The following CHD4 variants were observed in gnomAD, a reference collection of about 807,000 sequenced individuals.
CHD4 encodes chromodomain helicase DNA binding protein 4, also known as ATP-dependent chromatin remodeler CHD4.
In CHD4, 35 loss-of-function variants were observed where a neutral mutation model predicts 235.5. That is an observed-to-expected ratio of 0.15 (90% CI 0.11 to 0.20). The LOEUF (loss-of-function observed/expected upper bound fraction) is 0.20. Ranked by LOEUF, CHD4 falls within the 10% of genes least tolerant of loss-of-function variation. The pLI, the probability that CHD4 is intolerant of heterozygous loss-of-function variation, is 1.00. For synonymous variants in CHD4, 900 were observed against 850.2 expected, an observed-to-expected ratio of 1.06 and a Z score of -1.02; for missense variants, 1,329 against 2,432.3, an observed-to-expected ratio of 0.55 and a Z score of 9.54.
At position 6,602,040 on chromosome 12, in the gene CHD4, G is replaced by GCTTCTT; in HGVS notation, c.352_357dup (p.Lys118_Lys119dup). 1 of 1,611,684 alleles carries GCTTCTT rather than the reference G, an allele frequency of 6.2e-7. No individual in the cohort carries two copies. Among genetic ancestry groups the GCTTCTT allele is most frequent in the South Asian group, 1.1e-5 (1 of 91,010 alleles). The stretch of plus-strand genomic sequence containing the variant: ...CTCTTCTTCTCTTTCTTAGGTCCAA[G>GCTTCTT]CTTCTTCTTCTTCTTCTTGCCAGGA... On this transcript the variant is annotated inframe_insertion, in exon 4 of 40. Transcript: ENST00000544040.
chr12:6,571,290 T>G, intron 38 of CHD4: 1 of 406,086 alleles, frequency 2.5e-6, no homozygotes, highest in Non-Finnish European at 4.4e-6. Context: ...TTCTTGAGCT[T>G]ATTCGTTTTT....
intron 13 of CHD4, 139 bp from the exon 14 acceptor site, chr12:6,595,569 C>G (rs1387479581): frequency 9.2e-6 from 6 of 650,098 alleles, no homozygotes; most frequent in Non-Finnish European, 1.6e-5. Flanking sequence ...GGGCGGATCA[C>G]CTGAGGTCAG....
intron 37 of CHD4, among the ~76,000 whole-genome samples, chr12:6,574,950 C>T (rs1294123146): frequency 6.6e-6 from 1 of 152,060 alleles, no homozygotes; most frequent in Non-Finnish European, 1.5e-5. Context: ...AAATGGTTGG[C>T]AAAAAGTCAA....
intron 15 of CHD4, 86 bp downstream of exon 15, chr12:6,594,373 A>C (rs1353223862): frequency 3.1e-6 from 4 of 1,299,118 alleles, no homozygotes; most frequent in Non-Finnish European, 4.2e-6. Context: ...CAATTTTTTT[A>C]TTCCCTTATC....
intron 33 of CHD4, chr12:6,579,277 CT>C (rs1565602941): frequency 3.3e-6 from 1 of 306,052 alleles, no homozygotes. Flanking sequence ...TGGTGAAACC[CT>C]GTCTCTACTA....
chr12:6,605,185 G>A lies in CHD4; in HGVS notation c.100+1089C>T, dbSNP rs527975622. Among the ~76,000 whole-genome samples, 5 of 152,274 alleles carry A rather than the reference G, an allele frequency of 3.3e-5. No individual in the cohort carries two copies. The South Asian group carries it at 8.3e-4, about 25-fold the overall frequency. On this transcript the variant is annotated intron_variant, in intron 2 of 39. Coordinates refer to ENST00000544040, the MANE Select transcript of CHD4 (RefSeq NM_001273.5). ...TTCCACTGAAGCTAAGAAGAGAGAA[G>A]GCAGAAGTGAATGATGCTGGATGAG... is the stretch of plus-strand genomic sequence containing the variant.
chr12:6,587,705 A>C lies in CHD4; in HGVS notation c.3703+7T>G. ...CACACCAAAACGTAAGTTCCTGACT[A>C]CCTCACCTCCATCAGTGGCTTCATC... On this transcript the variant is annotated splice_region_variant and intron_variant, in intron 24 of 39. Coordinates refer to ENST00000544040, the MANE Select transcript of CHD4 (RefSeq NM_001273.5). The C allele has an allele frequency of 6.2e-7, 1 of 1,613,436 alleles. No individual in the cohort carries two copies. The highest frequency in any genetic ancestry group is 1.7e-4 in the Middle Eastern group (1 of 6,048).
Position 6,597,879 on chromosome 12 carries a change from G to A in CHD4, c.1892+15C>T. The A allele has an allele frequency of 1.9e-6, 3 of 1,613,118 alleles. No homozygotes were observed. Among genetic ancestry groups the A allele is most frequent in the Non-Finnish European group, 2.5e-6 (3 of 1,179,114 alleles). ...CCCACGGAGACTGCCCGTCTCCCGT[G>A]TGCTCAGCTGGTACCTGTGGTTGAG... On this transcript the variant is annotated intron_variant, in intron 12 of 39. Transcript: ENST00000544040.
In CHD4 at chr12:6,595,226, CTACAAAGTTACTA is replaced by C. The variant is rs1348629529; in HGVS notation, c.2121+95_2121+107del. On this transcript the variant is annotated intron_variant, in intron 14 of 39. Coordinates refer to ENST00000544040, the MANE Select transcript of CHD4 (RefSeq NM_001273.5). ...AGCCGACTTTGTGAAGTAATCTCAG[CTACAAAGTTACTA>C]TCTGCATTTCATTACTTAAGAGTAC... is the stretch of plus-strand genomic sequence containing the variant. 21 of 927,894 alleles carry C rather than the reference CTACAAAGTTACTA, an allele frequency of 2.3e-5. No homozygotes were observed. In the East Asian group the frequency reaches 5.0e-4, roughly 22 times the overall value. The allele number at this position is 927,894 out of a possible 1,614,324, so 57.5% of individuals were successfully genotyped here. A position where few individuals can be genotyped will look rare whatever the true frequency, so the allele number is the denominator to read the frequency against.
At chr12:6,587,157 T>C in intron 25 of CHD4, 4 of 524,882 alleles carry the variant, frequency 7.6e-6, no homozygotes, top group Non-Finnish European at 1.3e-5. Context: ...AGAGCCAAAA[T>C]AACTGTTGTG....
chr12:6,591,418 T>G (rs1245511104), intron 22 of CHD4, 48 bp downstream of exon 22: 1 of 1,439,434 alleles, frequency 6.9e-7, no homozygotes, highest in East Asian at 2.3e-5. Context: ...AGTCCAAAGA[T>G]ATAAGCAAAT....
chr12:6,578,689 C>T (rs1263190089), intron 34 of CHD4, 143 bp from the exon 35 acceptor site: 2 of 1,404,072 alleles, frequency 1.4e-6, no homozygotes, highest in Non-Finnish European at 2.0e-6. Flanking sequence ...AAAATGGTGC[C>T]ATTGGCCCAC....
At chr12:6,579,033 A>C in intron 33 of CHD4, 116 bp from the exon 34 acceptor site, 1 of 963,386 alleles carries the variant, frequency 1.0e-6, no homozygotes, top group Middle Eastern at 3.1e-4. Flanking sequence ...CAGTAATGTC[A>C]GCTGGGCATG....
rs757348405 is a variant in CHD4 at position 6,593,431 on chromosome 12, C to T, written c.2499G>A (p.Lys833=). The change falls in exon 16 of 40, where the codon AAG becomes AAA. Residue 833 remains lysine (K), a synonymous_variant. Transcript: ENST00000544040. The surrounding 1 kb of genome is among the most constrained non-coding windows in gnomAD (Gnocchi z 4.9). The part of the protein sequence containing the change: ...FEDNAIRGGK[K]ASRMKKEASV... ...CCTGAGATACCTTCATGCGGGAGGC[C>T]TTCTTGCCACCACGAATGGCATTGT... 1 of 1,614,142 alleles carries T rather than the reference C, an allele frequency of 6.2e-7. No homozygotes were observed. Among genetic ancestry groups the T allele is most frequent in the Non-Finnish European group, 8.5e-7 (1 of 1,180,008 alleles).
intron 15 of CHD4, 60 bp downstream of exon 15, chr12:6,594,399 A>G (rs1948450389): frequency 3.3e-6 from 5 of 1,493,234 alleles, no homozygotes; most frequent in African/African-American, 2.8e-5. Context: ...ACTCAGTGTA[A>G]GTTAAGGCTT....
chr12:6,601,589 A>T, intron 5 of CHD4, 59 bp from the exon 6 acceptor site: 1 of 1,613,004 alleles, frequency 6.2e-7, no homozygotes, highest in Non-Finnish European at 8.5e-7. Context: ...AAGAAAGAGA[A>T]GTAAGAAGAG....
Position 6,591,851 on chromosome 12 carries a change from T to C in CHD4, c.3091-26A>G, listed in dbSNP as rs777557119. Reference sequence around the variant, plus strand: ...CTGAGAACAAATGCAAAGAAAAAAGTATTAAAAGAAAGCCCACATGGAGAA... The same window carrying C: ...CTGAGAACAAATGCAAAGAAAAAAGCATTAAAAGAAAGCCCACATGGAGAA... On this transcript the variant is annotated intron_variant, in intron 20 of 39. Coordinates refer to ENST00000544040, the MANE Select transcript of CHD4 (RefSeq NM_001273.5). 1.7e-5 allele frequency: 27 copies of C among 1,613,528 alleles called. No individual in the cohort carries two copies. The Admixed American group carries it at 4.3e-4, about 26-fold the overall frequency.
chr12:6,592,931 C>T, intron 17 of CHD4, 114 bp from the exon 18 acceptor site: 2 of 1,513,376 alleles, frequency 1.3e-6, no homozygotes, highest in Non-Finnish European at 1.8e-6. Context: ...TCCTCACATT[C>T]TTTTTAAAGG....
intron 25 of CHD4, chr12:6,584,150 T>C (rs1357066516): frequency 6.6e-6 from 1 of 152,202 alleles, no homozygotes; most frequent in African/African-American, 2.4e-5. Context: ...ACTTTTTTCT[T>C]GTCATTATTC....
Sources: allele counts gnomAD v4.1 joint callset (sites outside exome capture counted in the v4.1 genomes callset), GRCh38; gene constraint gnomAD v4.1.1; non-coding constraint Gnocchi (gnomAD v3.1); transcripts MANE v1.5; gene names NCBI Gene and HGNC (gene_info 2026-07-23, HGNC 2026-07-21).